The following ADAMTS12 variants were observed in gnomAD, a reference collection of about 807,000 sequenced individuals.
ADAMTS12 encodes the protein A disintegrin and metalloproteinase with thrombospondin motifs 12.
ADAMTS12 carries 118 observed loss-of-function variants against 167.8 expected under a neutral mutation model. The observed-to-expected ratio is 0.70, with a 90% CI of 0.61 to 0.82. The LOEUF (loss-of-function observed/expected upper bound fraction) is 0.82, where lower values mean the gene tolerates loss of function less well. ADAMTS12 is among the 40% of genes least tolerant of loss of function. The pLI is 0.00. For synonymous variants in ADAMTS12, 704 were observed against 716.9 expected (o/e 0.98, Z 0.29); for missense variants, 1,916 against 1,998.8 (o/e 0.96, Z 0.79).
chr5:33,661,720 T>C (rs1482271989), intron 6 of ADAMTS12, among the ~76,000 whole-genome samples, 196 bp downstream of exon 6: 3 of 152,166 alleles, frequency 2.0e-5, no homozygotes, highest in Non-Finnish European at 4.4e-5. Flanking sequence ...AAGGAGAGCT[T>C]TGTCGTATTA....
intron 2 of ADAMTS12, among the ~76,000 whole-genome samples, chr5:33,766,952 A>C (rs1288440761): frequency 2.6e-5 from 4 of 152,176 alleles, no homozygotes; most frequent in Non-Finnish European, 5.9e-5. Context: ...TCTCTGAAAG[A>C]ACTGATCCAA....
At chr5:33,568,811 G>A (rs576956099) in intron 19 of ADAMTS12, among the ~76,000 whole-genome samples, 22 of 152,234 alleles carry the variant, frequency 1.4e-4, no homozygotes, top group East Asian at 3.9e-4. Flanking sequence ...CTCGGGAAGC[G>A]CAAGGGGTCA....
At chr5:33,671,605 C>T (rs1741693460) in intron 5 of ADAMTS12, among the ~76,000 whole-genome samples, 1 of 152,132 alleles carries the variant, frequency 6.6e-6, no homozygotes, top group African/African-American at 2.4e-5. Context: ...ATGCAGATTA[C>T]TCACTGATTA....
chr5:33,797,696 A>C (rs1322391519), intron 2 of ADAMTS12, among the ~76,000 whole-genome samples: 1 of 152,188 alleles, frequency 6.6e-6, no homozygotes, highest in Non-Finnish European at 1.5e-5. Context: ...GTAAGGATTA[A>C]TGGAATTGTA....
chr5:33,781,469 G>A lies in ADAMTS12; in HGVS notation c.490-29921C>T, dbSNP rs143643308. On this transcript the variant is annotated intron_variant, in intron 2 of 23. Coordinates refer to ENST00000504830, the MANE Select transcript of ADAMTS12 (RefSeq NM_030955.4). ...ATTTCTCACAAGCTCCTTGAGGATG[G>A]CCATGTGACCAGACCAGGGACCACA... Among the ~76,000 whole-genome samples the A allele has an allele frequency of 3.6e-3, 549 of 152,204 alleles. 6 individuals are homozygous for A. The highest frequency in any genetic ancestry group is 0.013 in the African/African-American group (532 of 41,520).
chr5:33,828,033 T>C (rs1271817099), intron 2 of ADAMTS12, among the ~76,000 whole-genome samples: 1 of 152,180 alleles, frequency 6.6e-6, no homozygotes, highest in Non-Finnish European at 1.5e-5. Flanking sequence ...TATCTAAGAA[T>C]TCCTCCAGGG....
intron 7 of ADAMTS12, among the ~76,000 whole-genome samples, chr5:33,652,826 G>C (rs1259032159): frequency 6.6e-6 from 1 of 152,070 alleles, no homozygotes; most frequent in Non-Finnish European, 1.5e-5. Flanking sequence ...TCATTCTTCT[G>C]CGTGTGGCTA....
chr5:33,615,746 T>A, intron 15 of ADAMTS12, 82 bp downstream of exon 15: 1 of 1,545,436 alleles, frequency 6.5e-7, no homozygotes, highest in South Asian at 1.2e-5. Context: ...TGACTTAATG[T>A]CCCCTAGCAA....
At chr5:33,553,018 A>G (rs560141986) in intron 20 of ADAMTS12, among the ~76,000 whole-genome samples, 1 of 152,250 alleles carries the variant, frequency 6.6e-6, no homozygotes, top group South Asian at 2.1e-4. Flanking sequence ...AAAACAAAAA[A>G]CAAAAAACAA....
At chr5:33,869,467 T>G (rs1031811716) in intron 2 of ADAMTS12, among the ~76,000 whole-genome samples, 1 of 152,026 alleles carries the variant, frequency 6.6e-6, no homozygotes, top group Non-Finnish European at 1.5e-5. Context: ...GCTGGAACCC[T>G]ACACAGGGTC....
intron 17 of ADAMTS12, 23 bp downstream of exon 17, chr5:33,595,911 C>T (rs777288953): frequency 7.4e-6 from 12 of 1,613,490 alleles, no homozygotes; most frequent in South Asian, 2.2e-5. Context: ...ACACACAGAG[C>T]TCCAGCTGTT....
intron 19 of ADAMTS12, among the ~76,000 whole-genome samples, chr5:33,567,065 T>C (rs1746050599): frequency 6.6e-6 from 1 of 152,224 alleles, no homozygotes; most frequent in Non-Finnish European, 1.5e-5. Flanking sequence ...ACACCTCTTC[T>C]GGTGAGACAT....
chr5:33,637,942 AT>A (rs1335503895), intron 11 of ADAMTS12, among the ~76,000 whole-genome samples, 196 bp from the exon 12 acceptor site: 23 of 152,308 alleles, frequency 1.5e-4, no homozygotes, highest in African/African-American at 5.3e-4. Context: ...ATAGTAGCTT[AT>A]TTTGAAATAG....
chr5:33,814,341 A>C (rs1367314288), intron 2 of ADAMTS12, among the ~76,000 whole-genome samples: 2 of 152,196 alleles, frequency 1.3e-5, no homozygotes, highest in Non-Finnish European at 2.9e-5. Context: ...AATTATTGAA[A>C]AGGCCATCCT....
At chr5:33,803,348 G>A (rs1014534081) in intron 2 of ADAMTS12, among the ~76,000 whole-genome samples, 1 of 152,188 alleles carries the variant, frequency 6.6e-6, no homozygotes, top group Non-Finnish European at 1.5e-5. Flanking sequence ...TACATTTAGA[G>A]AGTCAATTAA....
intron 9 of ADAMTS12, among the ~76,000 whole-genome samples, chr5:33,645,995 T>G (rs10065197): frequency 1.3e-5 from 2 of 151,902 alleles, no homozygotes; most frequent in African/African-American, 4.8e-5. Flanking sequence ...ATAAAAGAAT[T>G]TTTAAGCTGA....
chr5:33,765,601 C>T (rs1745503716), intron 2 of ADAMTS12, among the ~76,000 whole-genome samples: 1 of 152,160 alleles, frequency 6.6e-6, no homozygotes, highest in Admixed American at 6.5e-5. Flanking sequence ...TGGAGATGAA[C>T]TTGCTGGAAG....
At chr5:33,762,780 T>G (rs1270271708) in intron 2 of ADAMTS12, among the ~76,000 whole-genome samples, 2 of 152,232 alleles carry the variant, frequency 1.3e-5, no homozygotes, top group Non-Finnish European at 2.9e-5. Flanking sequence ...TTCATTGTTC[T>G]CTGGTACTTC....
intron 2 of ADAMTS12, 51 bp from the exon 3 acceptor site, chr5:33,751,599 A>C (rs1744983980): frequency 6.3e-7 from 1 of 1,578,618 alleles, no homozygotes; most frequent in Admixed American, 1.8e-5. Context: ...CTACATACCT[A>C]CTAAAAACAA....
Sources: gnomAD v4.1 joint callset for allele counts (sites outside exome capture counted in the v4.1 genomes callset) on GRCh38, gnomAD v4.1.1 for gene constraint, MANE v1.5 for transcripts, NCBI Gene and HGNC (gene_info 2026-07-23, HGNC 2026-07-21) for gene names.